TASP1: variants seen among roughly 807,000 people sequenced by gnomAD.
The protein encoded by TASP1 is taspase 1.
TASP1 carries 16 observed loss-of-function variants against 56.6 expected under a neutral mutation model. The ratio of observed to expected loss-of-function variants is 0.28; its 90% confidence interval spans 0.19 to 0.43. TASP1 has a LOEUF of 0.43. Among genes scored for constraint, TASP1 ranks in the 20% least tolerant of loss-of-function variants. The pLI is 1.00. For synonymous variants in TASP1, 179 were observed against 184.2 expected (o/e 0.97, Z 0.23); for missense variants, 393 against 511.6 (o/e 0.77, Z 2.24).
chr20:13,545,645 A>AT (rs34590652), intron 8 of TASP1, among the ~76,000 whole-genome samples: 53,951 of 151,204 alleles, frequency 0.36, 10,375 homozygotes, highest in Non-Finnish European at 0.43. Flanking sequence ...GGTGTTACAC[A>AT]TTTTTTTTTA....
chr20:13,596,423 G>C lies in TASP1; in HGVS notation c.283-9053C>G, dbSNP rs142801145. Among the ~76,000 whole-genome samples the C allele has an allele frequency of 8.3e-3, 1,236 of 149,672 alleles. 5 individuals carry two copies. The highest frequency in any genetic ancestry group is 0.013 in the Non-Finnish European group (884 of 67,674). On this transcript the variant is annotated intron_variant, in intron 4 of 13. Transcript: ENST00000337743. ...CATGGAAATTGAACAACCTGCTCCT[G>C]AATGACTACTGGGTAAATAACAAAA...
chr20:13,252,169 T>C, the TASP1 span, among the ~76,000 whole-genome samples: 8 of 152,284 alleles, frequency 5.3e-5, no homozygotes, highest in East Asian at 1.5e-3. Context: ...GCCTCTTTTC[T>C]GGAAGATGTC....
the TASP1 span, among the ~76,000 whole-genome samples, chr20:13,215,490 A>T: frequency 6.6e-6 from 1 of 152,224 alleles, no homozygotes. Flanking sequence ...TGCAGATAGG[A>T]ACTATAAGGG....
At chr20:13,284,186 C>T in the TASP1 span, among the ~76,000 whole-genome samples, 2 of 152,242 alleles carry the variant, frequency 1.3e-5, no homozygotes, top group African/African-American at 4.8e-5. Flanking sequence ...TCGGTAGACA[C>T]TGTCATCTAG....
the TASP1 span, among the ~76,000 whole-genome samples, chr20:13,109,094 CAT>C: frequency 1.3e-5 from 2 of 152,182 alleles, no homozygotes; most frequent in African/African-American, 4.8e-5. Context: ...AATACACACA[CAT>C]GTACATATAT....
At chr20:13,545,787 T>C (rs2045786897) in intron 8 of TASP1, among the ~76,000 whole-genome samples, 1 of 152,288 alleles carries the variant, frequency 6.6e-6, no homozygotes, top group African/African-American at 2.4e-5. Context: ...TTGAAACCAC[T>C]GTCCTGCAGA....
chr20:13,630,748 A>G (rs1048786857), intron 1 of TASP1, among the ~76,000 whole-genome samples: 6 of 151,598 alleles, frequency 4.0e-5, no homozygotes, highest in Non-Finnish European at 5.9e-5. Flanking sequence ...AAAGAAACAT[A>G]AAGAAGTTAC....
the TASP1 span, chr20:13,168,615 T>A: frequency 1.3e-5 from 2 of 152,252 alleles, no homozygotes; most frequent in Non-Finnish European, 2.9e-5. Flanking sequence ...AACAATATTC[T>A]TTTGTATTTT....
chr20:13,581,728 G>A (rs2047133038), intron 5 of TASP1, among the ~76,000 whole-genome samples: 1 of 152,166 alleles, frequency 6.6e-6, no homozygotes, highest in South Asian at 2.1e-4. Flanking sequence ...TGATGATGAT[G>A]GTGGAAGGCA....
chr20:13,295,870 C>A, the TASP1 span, among the ~76,000 whole-genome samples: 7 of 152,210 alleles, frequency 4.6e-5, no homozygotes, highest in Admixed American at 1.3e-4. Flanking sequence ...AAGGTGCAAC[C>A]TGGAGGCTGC....
chr20:13,150,607 G>T, the TASP1 span, among the ~76,000 whole-genome samples: 1 of 152,082 alleles, frequency 6.6e-6, no homozygotes, highest in South Asian at 2.1e-4. Flanking sequence ...TCCCTCTCTG[G>T]TTGCTGCTAT....
the TASP1 span, among the ~76,000 whole-genome samples, chr20:13,237,517 G>A: frequency 1.3e-5 from 2 of 152,174 alleles, no homozygotes; most frequent in South Asian, 4.1e-4. Context: ...CCAGGAAAAA[G>A]GAACCTGTGC....
At chr20:13,125,165 C>T in the TASP1 span, among the ~76,000 whole-genome samples, 1 of 152,142 alleles carries the variant, frequency 6.6e-6, no homozygotes. Context: ...AGCTCTGAGG[C>T]CCTCACCACT....
chr20:13,277,535 C>T, the TASP1 span, among the ~76,000 whole-genome samples: 1 of 152,136 alleles, frequency 6.6e-6, no homozygotes, highest in African/African-American at 2.4e-5. Context: ...TCTTTCTGAG[C>T]TTCTGTGTGG....
the TASP1 span, among the ~76,000 whole-genome samples, chr20:13,367,591 T>G: frequency 1.3e-5 from 2 of 152,242 alleles, no homozygotes; most frequent in Non-Finnish European, 2.9e-5. Context: ...CTTCACAGAA[T>G]AACCATCCAT....
At chr20:13,217,939 G>A in the TASP1 span, among the ~76,000 whole-genome samples, 1 of 152,162 alleles carries the variant, frequency 6.6e-6, no homozygotes, top group African/African-American at 2.4e-5. Flanking sequence ...TCACCTCAGA[G>A]TCCTTTGCCA....
chr20:13,310,808 G>A, the TASP1 span, among the ~76,000 whole-genome samples: 5 of 152,180 alleles, frequency 3.3e-5, no homozygotes, highest in African/African-American at 7.2e-5. Context: ...ATGGATATAT[G>A]TAAAGTTGCT....
At chr20:13,622,964 C>A (rs553149639) in intron 4 of TASP1, among the ~76,000 whole-genome samples, 7 of 152,244 alleles carry the variant, frequency 4.6e-5, no homozygotes, top group African/African-American at 1.7e-4. Context: ...TCGATGTCCA[C>A]AGTAAACTGG....
chr20:13,283,049 AT>A, the TASP1 span, among the ~76,000 whole-genome samples: 1 of 151,924 alleles, frequency 6.6e-6, no homozygotes, highest in African/African-American at 2.4e-5. Flanking sequence ...TATTTATTTA[AT>A]TTTTTTAAGA....
Sources: allele counts gnomAD v4.1 joint callset (sites outside exome capture counted in the v4.1 genomes callset), GRCh38; gene constraint gnomAD v4.1.1; transcripts MANE v1.5; gene names NCBI Gene and HGNC (gene_info 2026-07-23, HGNC 2026-07-21).